Variants in CHAT observed in about 807,000 individuals in gnomAD.
CHAT encodes choline O-acetyltransferase.
CHAT carries 61 observed loss-of-function variants against 76.9 expected under a neutral mutation model. The observed-to-expected ratio is 0.79, with a 90% CI of 0.65 to 0.98. The LOEUF is 0.98. Ranked by LOEUF, CHAT falls within the 50% of genes least tolerant of loss-of-function variation. The pLI, the probability that CHAT is intolerant of heterozygous loss-of-function variation, is 0.00. For synonymous variants in CHAT, 407 were observed against 397.4 expected (o/e 1.02, Z -0.29); for missense variants, 946 against 986.9 (o/e 0.96, Z 0.56).
In CHAT at chr10:49,655,447, T is replaced by C. The variant is rs1840006355; in HGVS notation, c.1838T>C (p.Met613Thr). The change falls in exon 13 of 15, where the codon ATG (methionine) becomes ACG (threonine). Residue 613 changes from methionine (M) to threonine (T), a missense_variant and splice_region_variant. Met to Thr is a moderately conservative substitution (Grantham distance 81). Coordinates refer to ENST00000337653, the MANE Select transcript of CHAT (RefSeq NM_020549.5). Reference sequence around the variant, plus strand: ...CGTGCCCAGACTGCATACACAGTCATGGTGAGTGACGTCGCACCACCTCAC... The same window carrying C: ...CGTGCCCAGACTGCATACACAGTCACGGTGAGTGACGTCGCACCACCTCAC... ...AIRAQTAYTV[M>T]AITGMAIDNH... The C allele has an allele frequency of 1.2e-6, 2 of 1,613,780 alleles. No individual in the cohort carries two copies. The highest frequency in any genetic ancestry group is 1.7e-5 in the Admixed American group (1 of 60,016).
chr10:49,646,805 C>A, intron 8 of CHAT, 131 bp downstream of exon 8: 2 of 1,051,842 alleles, frequency 1.9e-6, no homozygotes, highest in Non-Finnish European at 2.8e-6. Context: ...CTGGTTTCTG[C>A]TGCCTAAGAG....
At chr10:49,611,292 G>A (rs1281125322), upstream of CHAT, 1 of 1,608,896 alleles carries the variant, frequency 6.2e-7, no homozygotes, top group South Asian at 1.1e-5. Context: ...CGCGCAGCCT[G>A]CAGGGCCTGG....
intron 11 of CHAT, among the ~76,000 whole-genome samples, chr10:49,653,583 C>T (rs1839945853): frequency 6.6e-6 from 1 of 152,238 alleles, no homozygotes; most frequent in Non-Finnish European, 1.5e-5. Flanking sequence ...TGAGTGCAGC[C>T]ACTTTGAGTG....
chr10:49,640,820 G>A (rs1041484373), intron 7 of CHAT, among the ~76,000 whole-genome samples: 1 of 152,210 alleles, frequency 6.6e-6, no homozygotes, highest in African/African-American at 2.4e-5. Flanking sequence ...TGACTAGAGA[G>A]AGCAGGCTTT....
At chr10:49,624,112 C>T (rs968186307) in intron 5 of CHAT, among the ~76,000 whole-genome samples, 5 of 152,234 alleles carry the variant, frequency 3.3e-5, no homozygotes, top group African/African-American at 1.2e-4. Context: ...CTGGCCTGCC[C>T]ACCTCTCTGG....
At chr10:49,658,522 A>G (rs1363581823) in intron 13 of CHAT, among the ~76,000 whole-genome samples, 1 of 151,878 alleles carries the variant, frequency 6.6e-6, no homozygotes, top group Non-Finnish European at 1.5e-5. Context: ...CCATCTCAAA[A>G]AACAAAACAA....
At chr10:49,612,585 CCT>C (rs1341585523), upstream of CHAT, 4 of 509,344 alleles carry the variant, frequency 7.9e-6, no homozygotes, top group East Asian at 1.3e-4. Flanking sequence ...TGAAGAGGAC[CCT>C]GAGTCCCCAC....
At chr10:49,618,249 T>C (rs536940996) in intron 2 of CHAT, among the ~76,000 whole-genome samples, 9 of 152,336 alleles carry the variant, frequency 5.9e-5, no homozygotes, top group African/African-American at 1.9e-4. Context: ...GAGCCCCAGC[T>C]GAGAACAGTT....
chr10:49,654,837 C>T (rs750090019), intron 11 of CHAT, among the ~76,000 whole-genome samples: 6 of 152,020 alleles, frequency 3.9e-5, no homozygotes, highest in South Asian at 4.1e-4. Flanking sequence ...TTTTTTGAAG[C>T]GCTACCCGTC....
At chr10:49,610,849 G>T, upstream of CHAT, 1 of 1,612,176 alleles carries the variant, frequency 6.2e-7, no homozygotes, top group Non-Finnish European at 8.5e-7. Context: ...CCTGGTGCTT[G>T]TTATCGTGTG....
rs565576998 is a variant in CHAT, at chr10:49,667,216, G to T, written c.*2170G>T. On this transcript the variant is annotated 3_prime_UTR_variant, in exon 15 of 15. Coordinates refer to ENST00000337653, the MANE Select transcript of CHAT (RefSeq NM_020549.5). ...ACAGGGGCCAGGAGAGAAAAGGGAG[G>T]AAAGAACTAAGTCTCTCCTAGTCTA... 1.1e-4 allele frequency among the ~76,000 whole-genome samples: 17 copies of T among 152,310 alleles called. No individual in the cohort carries two copies. The South Asian group carries it at 3.5e-3, about 32-fold the overall frequency.
chr10:49,632,321 G>T (rs569814801), intron 7 of CHAT, among the ~76,000 whole-genome samples: 6 of 152,310 alleles, frequency 3.9e-5, no homozygotes, highest in African/African-American at 1.4e-4. Context: ...TGGGGAGTGG[G>T]GTGATGGGGG....
At chr10:49,664,745 A>G (rs957200966) in intron 14 of CHAT, 32 bp from the exon 15 acceptor site, 1 of 1,614,144 alleles carries the variant, frequency 6.2e-7, no homozygotes, top group Non-Finnish European at 8.5e-7. Flanking sequence ...GCATTCCAGA[A>G]CAAGCAGCTC....
At chr10:49,630,199 T>A (rs1247033770) in intron 7 of CHAT, among the ~76,000 whole-genome samples, 39 of 152,022 alleles carry the variant, frequency 2.6e-4, no homozygotes, top group Non-Finnish European at 5.9e-5. Flanking sequence ...GCATAAATGA[T>A]CCTTAAAGTC....
In CHAT at chr10:49,665,901, T is replaced by C. The variant is rs1840330978; in HGVS notation, c.*855T>C. Among the ~76,000 whole-genome samples, 1 of 152,190 alleles carries C rather than the reference T, an allele frequency of 6.6e-6. No individual in the cohort carries two copies. Among genetic ancestry groups the C allele is most frequent in the African/African-American group, 2.4e-5 (1 of 41,438 alleles). Reference sequence around the variant, plus strand: ...CCTTCCCGGGGTCCTGCCATTTGCATTTTTTCTGCATCTTTTCCCCTCTCC... The same window carrying C: ...CCTTCCCGGGGTCCTGCCATTTGCACTTTTTCTGCATCTTTTCCCCTCTCC... On this transcript the variant is annotated 3_prime_UTR_variant, in exon 15 of 15. Coordinates refer to ENST00000337653, the MANE Select transcript of CHAT (RefSeq NM_020549.5).
chr10:49,652,028 C>T (rs1467788562), intron 11 of CHAT, 22 bp downstream of exon 11: 1 of 1,614,094 alleles, frequency 6.2e-7, no homozygotes, highest in Admixed American at 1.7e-5. Context: ...TGGAGTGAGT[C>T]TGTACCCTGG....
At chr10:49,657,815 C>T (rs1265523408) in intron 13 of CHAT, among the ~76,000 whole-genome samples, 1 of 152,130 alleles carries the variant, frequency 6.6e-6, no homozygotes, top group Non-Finnish European at 1.5e-5. Flanking sequence ...TTGGGGCCCA[C>T]AGTGAAAGAG....
chr10:49,640,930 AAAAC>A (rs1839458718), intron 7 of CHAT, among the ~76,000 whole-genome samples: 3 of 152,344 alleles, frequency 2.0e-5, no homozygotes, highest in Middle Eastern at 3.4e-3. Context: ...TTTCAGGTAA[AAAAC>A]AAACCAAAAC....
chr10:49,656,682 G>T (rs1840046093), intron 13 of CHAT, among the ~76,000 whole-genome samples: 1 of 152,246 alleles, frequency 6.6e-6, no homozygotes, highest in Admixed American at 6.5e-5. Flanking sequence ...AGCTTGCAAA[G>T]GACAGTGGGG....
Sources: allele counts gnomAD v4.1 joint callset (sites outside exome capture counted in the v4.1 genomes callset), GRCh38; gene constraint gnomAD v4.1.1; transcripts MANE v1.5; gene names NCBI Gene and HGNC (gene_info 2026-07-23, HGNC 2026-07-21).